The following CDC42BPA variants were observed in gnomAD, a reference collection of about 807,000 sequenced individuals.
CDC42BPA encodes the protein serine/threonine-protein kinase MRCK alpha.
Under a neutral mutation model 223.5 loss-of-function variants are expected in CDC42BPA, and 80 were observed. The observed-to-expected ratio is 0.36, with a 90% CI of 0.30 to 0.43. The LOEUF is 0.43. CDC42BPA is among the 20% of genes least tolerant of loss of function. The probability of loss-of-function intolerance (pLI) is 1.00; values close to 1 mark genes in which losing one functional copy is unlikely to be tolerated. For synonymous variants in CDC42BPA, 694 were observed against 718.6 expected (o/e 0.97, Z 0.55); for missense variants, 1,743 against 2,099.9 (o/e 0.83, Z 3.32).
chr1:227,178,395 T>C (rs1001399878), intron 5 of CDC42BPA: 55 of 153,272 alleles, frequency 3.6e-4, no homozygotes, highest in Non-Finnish European at 7.0e-4. Context: ...ACTCCTAGAC[T>C]TCCACCATGA....
chr1:227,275,032 AAT>A (rs1686678023), intron 1 of CDC42BPA, among the ~76,000 whole-genome samples: 1 of 152,104 alleles, frequency 6.6e-6, no homozygotes, highest in African/African-American at 2.4e-5. Flanking sequence ...AAGTTTGAAC[AAT>A]CTAAGTAACA....
chr1:227,082,820 C>A (rs1680998514), intron 16 of CDC42BPA, among the ~76,000 whole-genome samples: 1 of 148,152 alleles, frequency 6.7e-6, no homozygotes, highest in Non-Finnish European at 1.5e-5. Flanking sequence ...CTGTAAATAA[C>A]ACTGTAAGTT....
intron 4 of CDC42BPA, among the ~76,000 whole-genome samples, chr1:227,196,050 A>C (rs546136055): frequency 6.6e-6 from 1 of 152,226 alleles, no homozygotes; most frequent in South Asian, 2.1e-4. Flanking sequence ...TGATTTGAGG[A>C]ATCACTGGTT....
intron 31 of CDC42BPA, 53 bp from the exon 32 acceptor site, chr1:227,023,400 A>G (rs1169618528): frequency 1.0e-6 from 1 of 985,160 alleles, no homozygotes; most frequent in Non-Finnish European, 1.5e-6. Context: ...AAATTAAATT[A>G]TAAAACTTTT....
Position 227,112,893 on chromosome 1 carries a change from C to T in CDC42BPA, c.1668G>A (p.Glu556=), listed in dbSNP as rs1244667311. The change falls in exon 13 of 37, where the codon GAG becomes GAA. Residue 556 remains glutamate, a synonymous_variant. Coordinates refer to ENST00000366766, the MANE Select transcript of CDC42BPA (RefSeq NM_001394014.1). ...DLNKELVQAS[E]RLKNQSKELK... ...GCTCTTTGGATTGGTTTTTTAATCG[C>T]TCACTAGCCTGGACTAGTTCCTACA... 6.2e-7 allele frequency: 1 copy of T among 1,613,832 alleles called. No individual in the cohort carries two copies. Among genetic ancestry groups the T allele is most frequent in the Admixed American group, 1.7e-5 (1 of 59,982 alleles).
intron 10 of CDC42BPA, among the ~76,000 whole-genome samples, chr1:227,133,999 A>ATAAAT (rs1553355407): frequency 1.3e-5 from 2 of 148,256 alleles, no homozygotes; most frequent in South Asian, 2.1e-4. Context: ...AAATAAATAA[A>ATAAAT]AAAGAAATTC....
intron 2 of CDC42BPA, among the ~76,000 whole-genome samples, chr1:227,253,686 G>A (rs925462080): frequency 5.3e-5 from 8 of 151,958 alleles, no homozygotes; most frequent in African/African-American, 1.9e-4. Flanking sequence ...AATATCAGGG[G>A]AGGAGAGATG....
chr1:227,229,618 T>C (rs943951593), intron 2 of CDC42BPA, among the ~76,000 whole-genome samples: 1 of 152,206 alleles, frequency 6.6e-6, no homozygotes, highest in African/African-American at 2.4e-5. Flanking sequence ...CTTAAAAATA[T>C]TGTCTTCAAA....
chr1:227,079,244 T>C (rs181755072), intron 17 of CDC42BPA, among the ~76,000 whole-genome samples: 9 of 152,302 alleles, frequency 5.9e-5, no homozygotes, highest in African/African-American at 2.2e-4. Flanking sequence ...TATTTCTGAT[T>C]TCTGCATATT....
At chr1:227,205,745 G>A (rs1169470545) in intron 3 of CDC42BPA, among the ~76,000 whole-genome samples, 1 of 152,090 alleles carries the variant, frequency 6.6e-6, no homozygotes, top group East Asian at 1.9e-4. Context: ...AGAAAATTGA[G>A]CCTTAGAAAG....
In CDC42BPA at chr1:227,040,150, T is replaced by C. The variant is rs768676840; in HGVS notation, c.3180A>G (p.Arg1060=). Residue 1060 remains arginine, a synonymous_variant, in exon 24 of 37, where the codon AGA becomes AGG. Coordinates refer to ENST00000366766, the MANE Select transcript of CDC42BPA (RefSeq NM_001394014.1). ...QCTSLMVGLI[R]QGCSCEVCGF... Reference sequence around the variant, plus strand: ...TCTTACCTTCACATGAACAGCCCTGTCTTATTAAACCCACCATCAAGGAGG... The same window carrying C: ...TCTTACCTTCACATGAACAGCCCTGCCTTATTAAACCCACCATCAAGGAGG... 1.9e-6 allele frequency: 3 copies of C among 1,607,364 alleles called. No homozygotes were observed. Among genetic ancestry groups the C allele is most frequent in the Non-Finnish European group, 1.7e-6 (2 of 1,173,986 alleles).
At chr1:227,214,381 T>A (rs182134103) in intron 2 of CDC42BPA, among the ~76,000 whole-genome samples, 15 of 152,296 alleles carry the variant, frequency 9.8e-5, no homozygotes, top group Admixed American at 5.9e-4. Context: ...GTGATTATAG[T>A]TTTTCATCAA....
At chr1:227,256,907 CAA>C (rs1347446922) in intron 1 of CDC42BPA, among the ~76,000 whole-genome samples, 1 of 139,172 alleles carries the variant, frequency 7.2e-6, no homozygotes. Context: ...AAATGTCCAT[CAA>C]GAGATGAACA....
chr1:227,163,768 G>A (rs1664545718), intron 5 of CDC42BPA, among the ~76,000 whole-genome samples: 1 of 149,640 alleles, frequency 6.7e-6, no homozygotes, highest in African/African-American at 2.4e-5. Context: ...AAATACTAAT[G>A]TAGTCTTATA....
In CDC42BPA at chr1:227,079,681, T is replaced by C. The variant is rs550910776; in HGVS notation, c.2480+1212A>G. Among the ~76,000 whole-genome samples the C allele has an allele frequency of 7.2e-5, 11 of 152,204 alleles. No individual in the cohort carries two copies. The South Asian group carries it at 2.3e-3, about 32-fold the overall frequency. Reference sequence around the variant, plus strand: ...CCACAATCTGCATATTCCCTTTATATGCACTGAATAGAAACATTATAAGCA... The same window carrying C: ...CCACAATCTGCATATTCCCTTTATACGCACTGAATAGAAACATTATAAGCA... On this transcript the variant is annotated intron_variant, in intron 17 of 36. Coordinates refer to ENST00000366766, the MANE Select transcript of CDC42BPA (RefSeq NM_001394014.1).
rs570724257 is a variant in CDC42BPA at position 227,151,122 on chromosome 1, G to A, written c.694-3563C>T. Among the ~76,000 whole-genome samples the A allele has an allele frequency of 1.2e-4, 18 of 152,088 alleles. No individual in the cohort carries two copies. The South Asian group carries it at 3.7e-3, about 32-fold the overall frequency. ...CCTTCTCTAAAATTTTTTCATCTTG[G>A]AAAATTTTAACTCTGTACCCATCAG... On this transcript the variant is annotated intron_variant, in intron 6 of 36. Coordinates refer to ENST00000366766, the MANE Select transcript of CDC42BPA (RefSeq NM_001394014.1).
At chr1:227,285,633 C>T (rs2148610510) in intron 1 of CDC42BPA, among the ~76,000 whole-genome samples, 1 of 152,170 alleles carries the variant, frequency 6.6e-6, no homozygotes, top group East Asian at 1.9e-4. Context: ...ATTGTATCCT[C>T]TGTGAGTCCT....
chr1:227,150,243 A>C (rs1055068656), intron 6 of CDC42BPA, among the ~76,000 whole-genome samples: 9 of 151,874 alleles, frequency 5.9e-5, no homozygotes, highest in African/African-American at 2.2e-4. Context: ...AAAAACAAAA[A>C]AAACAAAAAG....
At chr1:226,995,870 G>A (rs1661501520) in intron 35 of CDC42BPA, among the ~76,000 whole-genome samples, 1 of 152,182 alleles carries the variant, frequency 6.6e-6, no homozygotes, top group South Asian at 2.1e-4. Flanking sequence ...CTGTGTTGAG[G>A]TTTTAGCACA....
Sources: gnomAD v4.1 joint callset for allele counts (sites outside exome capture counted in the v4.1 genomes callset) on GRCh38, gnomAD v4.1.1 for gene constraint, MANE v1.5 for transcripts, NCBI Gene and HGNC (gene_info 2026-07-23, HGNC 2026-07-21) for gene names.